The following MAP2 variants were observed in gnomAD, a reference collection of about 807,000 sequenced individuals.
The protein encoded by MAP2 is microtubule-associated protein 2.
A neutral mutation model predicts 137.6 loss-of-function variants in MAP2; 14 were observed. The ratio of observed to expected loss-of-function variants is 0.10; its 90% CI spans 0.07 to 0.16. The LOEUF (loss-of-function observed/expected upper bound fraction) is 0.16. Among genes scored for constraint, MAP2 ranks in the 10% least tolerant of loss-of-function variants. The pLI is 1.00. For missense variants in MAP2, 2,088 were observed against 2,191.5 expected (o/e 0.95, Z 0.94); for synonymous variants, 786 against 782.3 (o/e 1.00, Z -0.08).
At chr2:209,530,881 A>G (rs977297916) in intron 2 of MAP2, among the ~76,000 whole-genome samples, 1 of 152,144 alleles carries the variant, frequency 6.6e-6, no homozygotes, top group African/African-American at 2.4e-5. Context: ...CTTTTCTCCC[A>G]TATTGTTCTG....
At chr2:209,511,810 G>A (rs13016157) in intron 2 of MAP2, among the ~76,000 whole-genome samples, 8,792 of 152,072 alleles carry the variant, frequency 0.058, 285 homozygotes, top group South Asian at 0.092. Flanking sequence ...GGCTTAAAGC[G>A]ATCCTCCTGC....
chr2:209,536,439 GA>G (rs957834784), intron 2 of MAP2, among the ~76,000 whole-genome samples: 2 of 152,094 alleles, frequency 1.3e-5, no homozygotes, highest in Non-Finnish European at 1.5e-5. Context: ...TAGCTTGAAA[GA>G]AAAAAAGTTT....
At chr2:209,584,024 A>G (rs1202062701) in intron 3 of MAP2, among the ~76,000 whole-genome samples, 1 of 151,984 alleles carries the variant, frequency 6.6e-6, no homozygotes, top group Non-Finnish European at 1.5e-5. Flanking sequence ...AATATGCGGT[A>G]TTTGGTTTTC....
chr2:209,569,093 T>C (rs1018791762), intron 2 of MAP2, among the ~76,000 whole-genome samples: 1 of 151,814 alleles, frequency 6.6e-6, no homozygotes. Context: ...AAGTAAATAC[T>C]TTTTAAAACT....
chr2:209,481,375 G>A (rs547242589), intron 1 of MAP2, among the ~76,000 whole-genome samples: 1 of 152,318 alleles, frequency 6.6e-6, no homozygotes, highest in East Asian at 1.9e-4. Context: ...AATCTCTGAA[G>A]GGGCCCAACT....
chr2:209,605,787 C>T (rs1022394342), intron 3 of MAP2, among the ~76,000 whole-genome samples: 32 of 152,182 alleles, frequency 2.1e-4, no homozygotes, highest in African/African-American at 7.5e-4. Flanking sequence ...ACCGGCCTAA[C>T]CATGCCAGAT....
At chr2:209,706,195 A>G (rs1236791915) in intron 12 of MAP2, among the ~76,000 whole-genome samples, 1 of 152,164 alleles carries the variant, frequency 6.6e-6, no homozygotes, top group Admixed American at 6.6e-5. Context: ...AGCTATAAAT[A>G]TAGCATAGTC....
chr2:209,722,922 G>A (rs1346139774), intron 13 of MAP2, among the ~76,000 whole-genome samples: 1 of 152,198 alleles, frequency 6.6e-6, no homozygotes, highest in African/African-American at 2.4e-5. Flanking sequence ...GCTTCCATAT[G>A]ATCATCCATG....
At chr2:209,625,531 AT>A (rs2092145974) in intron 4 of MAP2, among the ~76,000 whole-genome samples, 1 of 152,272 alleles carries the variant, frequency 6.6e-6, no homozygotes, top group Admixed American at 6.5e-5. Flanking sequence ...TATGGGGATC[AT>A]CCCCATTTTA....
At chr2:209,513,807 A>G (rs911616870) in intron 2 of MAP2, among the ~76,000 whole-genome samples, 1 of 152,084 alleles carries the variant, frequency 6.6e-6, no homozygotes, top group Admixed American at 6.6e-5. Context: ...TCATTAGGTC[A>G]TGTGAACAAA....
At position 209,468,875 on chromosome 2, in the gene MAP2, G is replaced by A. The variant is rs1355032139; in HGVS notation, c.-221-38717G>A. ...GGAGGCAGAGGCACAGGGCAACCAA[G>A]TAATGTTGATGGGACTGCTCCAGTG... is the stretch of plus-strand genomic sequence containing the variant. On this transcript the variant is annotated intron_variant, in intron 1 of 15. Transcript: ENST00000682079. Among the ~76,000 whole-genome samples, 3 of 152,124 alleles carry A rather than the reference G, an allele frequency of 2.0e-5. No homozygotes were observed. The East Asian group carries it at 5.8e-4, about 29-fold the overall frequency.
At chr2:209,462,083 A>AG (rs1702968102) in intron 1 of MAP2, among the ~76,000 whole-genome samples, 1 of 152,146 alleles carries the variant, frequency 6.6e-6, no homozygotes, top group Non-Finnish European at 1.5e-5. Context: ...TCCTACCTTG[A>AG]GCTGCTTTAT....
chr2:209,638,660 C>T (rs1029479243), intron 4 of MAP2, among the ~76,000 whole-genome samples: 2 of 152,074 alleles, frequency 1.3e-5, no homozygotes, highest in African/African-American at 2.4e-5. Flanking sequence ...TGTTTTGCAT[C>T]CATCCATTTT....
chr2:209,541,707 C>T (rs180722513), intron 2 of MAP2, among the ~76,000 whole-genome samples: 1 of 152,314 alleles, frequency 6.6e-6, no homozygotes, highest in East Asian at 1.9e-4. Flanking sequence ...CACTCTTTTG[C>T]TCATTCATAA....
chr2:209,533,935 G>C (rs1456034597), intron 2 of MAP2, among the ~76,000 whole-genome samples: 2 of 152,178 alleles, frequency 1.3e-5, no homozygotes, highest in South Asian at 2.1e-4. Context: ...AGGAGAGTGA[G>C]AGCAGGGACC....
chr2:209,560,229 A>G lies in MAP2; in HGVS notation c.-171-19807A>G, dbSNP rs185221036. 7.9e-5 allele frequency among the ~76,000 whole-genome samples: 12 copies of G among 152,356 alleles called. 2 individuals are homozygous for G. Among genetic ancestry groups the G allele is most frequent in the Admixed American group, 4.6e-4 (7 of 15,300 alleles). On this transcript the variant is annotated intron_variant, in intron 2 of 15. Transcript: ENST00000682079. ...TATTTAATACTTCAGATAGGAAAGCATATTTTATTTTGTGATACATTGAAA... is the reference window on the plus strand; with the variant it reads ...TATTTAATACTTCAGATAGGAAAGCGTATTTTATTTTGTGATACATTGAAA...
At chr2:209,427,095 T>C (rs1411730531) in intron 1 of MAP2, among the ~76,000 whole-genome samples, 1 of 152,200 alleles carries the variant, frequency 6.6e-6, no homozygotes. Flanking sequence ...TTCATTGATG[T>C]CCTTTTGAGA....
chr2:209,462,201 G>A (rs1323097756), intron 1 of MAP2, among the ~76,000 whole-genome samples: 1 of 152,192 alleles, frequency 6.6e-6, no homozygotes, highest in Non-Finnish European at 1.5e-5. Context: ...GAGAAAAGGG[G>A]AAACTGGTGT....
intron 1 of MAP2, among the ~76,000 whole-genome samples, chr2:209,429,711 CTA>C (rs1393341356): frequency 2.6e-5 from 4 of 152,074 alleles, no homozygotes; most frequent in Non-Finnish European, 5.9e-5. Context: ...CAAACTGACT[CTA>C]TTTGAGACAA....
Sources: allele counts gnomAD v4.1 joint callset (sites outside exome capture counted in the v4.1 genomes callset), GRCh38; gene constraint gnomAD v4.1.1; transcripts MANE v1.5; gene names NCBI Gene and HGNC (gene_info 2026-07-23, HGNC 2026-07-21).